SURF6: variants seen among roughly 807,000 people sequenced by gnomAD.
The protein encoded by SURF6 is surfeit locus protein 6.
Under a neutral mutation model 37.5 loss-of-function variants are expected in SURF6, and 28 were observed. The ratio of observed to expected loss-of-function variants is 0.75; its 90% CI spans 0.55 to 1.02. The LOEUF is 1.02. SURF6 is among the 50% of genes least tolerant of loss of function. SURF6 has a pLI of 0.00. For synonymous variants in SURF6, 248 were observed against 210.9 expected (o/e 1.18, Z -1.52); for missense variants, 560 against 490.5 (o/e 1.14, Z -1.34).
At chr9:133,334,629 G>C (rs2129928611) in intron 1 of SURF6, 28 bp from the exon 2 acceptor site, 2 of 1,600,366 alleles carry the variant, frequency 1.2e-6, no homozygotes, top group African/African-American at 2.7e-5. Context: ...AAAGAGTTAA[G>C]TCCCAATCTC....
chr9:133,334,312 C>T, intron 2 of SURF6, 80 bp downstream of exon 2: 1 of 1,367,446 alleles, frequency 7.3e-7, no homozygotes, highest in Non-Finnish European at 9.9e-7. Flanking sequence ...CTTTTTTTTT[C>T]TTAAGAGCAA....
chr9:133,334,544 G>A lies in SURF6; in HGVS notation c.152C>T (p.Thr51Ile), dbSNP rs2129928211. Residue 51 changes from threonine (T) to isoleucine (I), a missense_variant, in exon 2 of 5, where the codon ACA becomes ATA. By Grantham distance (89) the Thr-to-Ile change is moderately conservative. Coordinates refer to ENST00000372022, the MANE Select transcript of SURF6 (RefSeq NM_006753.6). ...TTCTCGCTTCCGGAATTTCTTTTGT[G>A]TTTTCTTCCTTTTCTTTTTTGGGGG... is the stretch of plus-strand genomic sequence containing the variant. ...AGPPKKKRKK[T>I]QKKFRKREEK... The A allele has an allele frequency of 3.2e-5, 51 of 1,613,658 alleles. No homozygotes were observed. The highest frequency in any genetic ancestry group is 4.2e-5 in the Non-Finnish European group (50 of 1,180,018).
chr9:133,334,829 T>G (rs1178227466), intron 1 of SURF6, among the ~76,000 whole-genome samples: 1 of 152,124 alleles, frequency 6.6e-6, no homozygotes, highest in East Asian at 1.9e-4. Flanking sequence ...TCACCATTAT[T>G]TGAGTGAAAC....
At position 133,334,614 on chromosome 9, in the gene SURF6, A is replaced by G. The variant is rs2129928548; in HGVS notation, c.95-13T>C. On this transcript the variant is annotated splice_polypyrimidine_tract_variant and intron_variant, in intron 1 of 4. Transcript: ENST00000372022. ...TGAGTTTTGCCAGCTGAAATGCAAA[A>G]TAAGAAAGAGTTAAGTCCCAATCTC... 8 of 1,604,160 alleles carry G rather than the reference A, an allele frequency of 5.0e-6. No individual in the cohort carries two copies. Among genetic ancestry groups the G allele is most frequent in the Non-Finnish European group, 5.9e-6 (7 of 1,179,440 alleles).
rs2129916409 is a variant in SURF6, at chr9:133,332,216, GC to G, written c.738del (p.Gln247ArgfsTer22). On this transcript the variant is annotated frameshift_variant, in exon 5 of 5. Coordinates refer to ENST00000372022, the MANE Select transcript of SURF6 (RefSeq NM_006753.6). LOFTEE classifies it high-confidence loss of function. ...YRQLLERLQA[R>X]QSRLDELRGQ... The stretch of plus-strand genomic sequence containing the variant: ...CCGCGCAGCTCGTCCAGCCGGCTCT[GC>G]CGTGCCTGCAGGCGCTCCAGCAGCT... 5 of 1,607,556 alleles carry G rather than the reference GC, an allele frequency of 3.1e-6. No homozygotes were observed. Among genetic ancestry groups the G allele is most frequent in the Non-Finnish European group, 4.2e-6 (5 of 1,179,936 alleles).
rs898140482 is a variant in SURF6, at chr9:133,331,528, A to C, written c.*341T>G. ...GCTCCTGCGAACACAGGCAGTGGGG[A>C]ACAGGCAGTGACTGCCCACCCCCAC... On this transcript the variant is annotated 3_prime_UTR_variant, in exon 5 of 5. Transcript: ENST00000372022. 2.5e-5 allele frequency: 7 copies of C among 275,516 alleles called. No homozygotes were observed. Among genetic ancestry groups the C allele is most frequent in the Non-Finnish European group, 4.7e-5 (7 of 148,522 alleles). 17.1% of individuals were successfully genotyped at this position (275,516 alleles called of 1,614,324 possible).
chr9:133,331,018 A>G lies in SURF6; in HGVS notation c.*851T>C, dbSNP rs1835711892. The stretch of plus-strand genomic sequence containing the variant: ...GTCTCATAACCGGAGAGTTTCATCA[A>G]AAGAATTTTATTTACAGCTTTATCA... On this transcript the variant is annotated 3_prime_UTR_variant, in exon 5 of 5. Coordinates refer to ENST00000372022, the MANE Select transcript of SURF6 (RefSeq NM_006753.6). 6.6e-6 allele frequency: 1 copy of G among 152,200 alleles called. No individual in the cohort carries two copies. Among genetic ancestry groups the G allele is most frequent in the Non-Finnish European group, 1.5e-5 (1 of 68,036 alleles). The allele number at this position is 152,200 out of a possible 1,614,324, so 9.4% of individuals were successfully genotyped here. A position where few individuals can be genotyped will look rare whatever the true frequency, so the allele number is the denominator to read the frequency against.
In SURF6 at chr9:133,328,899, A is replaced by T. The variant is rs2129900526; in HGVS notation, c.*2970T>A. ...CAGCAATGAGAGAGTGTAGAAATAC[A>T]CACACAAGACAAAGAGATAAAAGAA... On this transcript the variant is annotated 3_prime_UTR_variant, in exon 5 of 5. Coordinates refer to ENST00000372022, the MANE Select transcript of SURF6 (RefSeq NM_006753.6). The T allele has an allele frequency of 6.5e-6, 1 of 152,702 alleles. No individual in the cohort carries two copies. Among genetic ancestry groups the T allele is most frequent in the African/African-American group, 2.4e-5 (1 of 41,444 alleles). The allele number at this position is 152,702 out of a possible 1,614,324, so 9.5% of individuals were successfully genotyped here.
chr9:133,332,972 T>C, intron 3 of SURF6: 1 of 598,806 alleles, frequency 1.7e-6, no homozygotes, highest in Non-Finnish European at 2.9e-6. Flanking sequence ...AATCACAGCT[T>C]CCAATTCCCG....
In SURF6 at chr9:133,332,067, C is replaced by T; in HGVS notation, c.888G>A (p.Lys296=). ...ERLLQEALKR[K]EKRRAQRQRR... is the part of the protein sequence containing the mutation. ...GCTGCCGCTGCGCCCTGCGCTTCTCCTTGCGCTTCAGGGCCTCCTGCAGCA... is the reference window on the plus strand; with the variant it reads ...GCTGCCGCTGCGCCCTGCGCTTCTCTTTGCGCTTCAGGGCCTCCTGCAGCA... Residue 296 remains lysine (K), a synonymous_variant, in exon 5 of 5, where the codon AAG becomes AAA. Transcript: ENST00000372022. 22 of 1,606,738 alleles carry T rather than the reference C, an allele frequency of 1.4e-5. No individual in the cohort carries two copies. Among genetic ancestry groups the T allele is most frequent in the Non-Finnish European group, 1.9e-5 (22 of 1,179,816 alleles).
Position 133,329,744 on chromosome 9 carries a change from G to GT in SURF6, c.*2124dup, listed in dbSNP as rs1346487940. ...ATCATATCTAAGATCTATATCTGCTGTAACTATTCTTGTTTTATATTTTAT... is the reference window on the plus strand; with the variant it reads ...ATCATATCTAAGATCTATATCTGCTGTTAACTATTCTTGTTTTATATTTTAT... On this transcript the variant is annotated 3_prime_UTR_variant, in exon 5 of 5. Transcript: ENST00000372022. The GT allele has an allele frequency of 6.6e-6, 1 of 152,236 alleles. No homozygotes were observed. Among genetic ancestry groups the GT allele is most frequent in the Non-Finnish European group, 1.5e-5 (1 of 68,048 alleles). The allele number at this position is 152,236 out of a possible 1,614,324, so 9.4% of individuals were successfully genotyped here.
At position 133,334,553 on chromosome 9, in the gene SURF6, C is replaced by T. The variant is rs1197763107; in HGVS notation, c.143G>A (p.Arg48Lys). Reference sequence around the variant, plus strand: ...CCGGAATTTCTTTTGTGTTTTCTTCCTTTTCTTTTTTGGGGGCCCTGCAGT... The same window carrying T: ...CCGGAATTTCTTTTGTGTTTTCTTCTTTTTCTTTTTTGGGGGCCCTGCAGT... The part of the protein sequence containing the change: ...SETAGPPKKK[R>K]KKTQKKFRKR... The change falls in exon 2 of 5, where the codon AGG becomes AAG. Residue 48 changes from arginine (R) to lysine (K), a missense_variant. By Grantham distance (26) the Arg-to-Lys change is conservative. Coordinates refer to ENST00000372022, the MANE Select transcript of SURF6 (RefSeq NM_006753.6). The T allele has an allele frequency of 6.2e-7, 1 of 1,613,204 alleles. No individual in the cohort carries two copies. The highest frequency in any genetic ancestry group is 8.5e-7 in the Non-Finnish European group (1 of 1,180,030).
chr9:133,333,826 A>G lies in SURF6; in HGVS notation c.305-20T>C, dbSNP rs2129925049. On this transcript the variant is annotated intron_variant, in intron 2 of 4. Transcript: ENST00000372022. Reference sequence around the variant, plus strand: ...GGCCATCTGCAGGGAAGGAGACAGGACTGCAGGGGGCCCTCTCTTCCCCTC... The same window carrying G: ...GGCCATCTGCAGGGAAGGAGACAGGGCTGCAGGGGGCCCTCTCTTCCCCTC... 6.2e-7 allele frequency: 1 copy of G among 1,603,594 alleles called. No homozygotes were observed. The highest frequency in any genetic ancestry group is 1.1e-5 in the South Asian group (1 of 90,372).
Position 133,331,900 on chromosome 9 carries a change from G to C in SURF6, c.1055C>G (p.Pro352Arg), listed in dbSNP as rs2129912480. ...LRARKKGRIL[P>R]QDLERAGLV ...CAGGCCTGCGCGCTCCAGGTCCTGC[G>C]GCAGGATGCGGCCCTTCTTGCGGGC... is the stretch of plus-strand genomic sequence containing the variant. The change falls in exon 5 of 5, where the codon CCG (proline) becomes CGG (arginine). Residue 352 changes from proline to arginine, a missense_variant. Pro to Arg is a moderately radical substitution (Grantham distance 103, BLOSUM62 -2). Transcript: ENST00000372022. 2.0e-6 allele frequency: 3 copies of C among 1,530,116 alleles called. No individual in the cohort carries two copies. Among genetic ancestry groups the C allele is most frequent in the Non-Finnish European group, 2.6e-6 (3 of 1,150,840 alleles). The allele number at this position is 1,530,116 out of a possible 1,614,324, so 94.8% of individuals were successfully genotyped here. A position where few individuals can be genotyped will look rare whatever the true frequency, so the allele number is the denominator to read the frequency against.
Position 133,331,582 on chromosome 9 carries a change from C to T in SURF6, c.*287G>A. On this transcript the variant is annotated 3_prime_UTR_variant, in exon 5 of 5. Transcript: ENST00000372022. ...TCCTCCTCCCTGACCCTGCAAACCT[C>T]GGGGAAGCTTTCAGGCCCGGGAAAG... is the stretch of plus-strand genomic sequence containing the variant. The T allele has an allele frequency of 2.6e-6, 1 of 379,140 alleles. No homozygotes were observed. 23.5% of individuals were successfully genotyped at this position (379,140 alleles called of 1,614,324 possible).
At chr9:133,335,382 G>A (rs1056332626) in intron 1 of SURF6, among the ~76,000 whole-genome samples, 1 of 151,914 alleles carries the variant, frequency 6.6e-6, no homozygotes, top group Non-Finnish European at 1.5e-5. Flanking sequence ...TAGGTAATGA[G>A]AAAATTCACT....
rs185470352 is a variant in SURF6, at chr9:133,335,084, G to A, written c.95-483C>T. 8.6e-4 allele frequency among the ~76,000 whole-genome samples: 131 copies of A among 152,130 alleles called. 2 individuals are homozygous for A. Among genetic ancestry groups the A allele is most frequent in the Admixed American group, 7.3e-3 (112 of 15,280 alleles). ...AAGCGATTCTCTTGCCTCAGCCTCC[G>A]GAGTAGCTGGGACTACAGGCGCCCA... On this transcript the variant is annotated intron_variant, in intron 1 of 4. Coordinates refer to ENST00000372022, the MANE Select transcript of SURF6 (RefSeq NM_006753.6).
rs782377952 is a variant in SURF6 at position 133,336,080 on chromosome 9, A to T, written c.53T>A (p.Ile18Asn). Residue 18 changes from isoleucine to asparagine, a missense_variant, in exon 1 of 5, where the codon ATC becomes AAC. Coordinates refer to ENST00000372022, the MANE Select transcript of SURF6 (RefSeq NM_006753.6). Reference sequence around the variant, plus strand: ...CTGTTCCGGGGCCGAATGGGAGCAGATCTTCTTGGCCAGGCTCTGCAGGTA... The same window carrying T: ...CTGTTCCGGGGCCGAATGGGAGCAGTTCTTCTTGGCCAGGCTCTGCAGGTA... The part of the protein sequence containing the change: ...DAYLQSLAKK[I>N]CSHSAPEQQA... 6.2e-7 allele frequency: 1 copy of T among 1,612,876 alleles called. No homozygotes were observed. The highest frequency in any genetic ancestry group is 1.3e-5 in the African/African-American group (1 of 74,984).
rs2129917708 is a variant in SURF6 at position 133,332,328 on chromosome 9, C to G, written c.627G>C (p.Glu209Asp). 6.3e-7 allele frequency: 1 copy of G among 1,582,096 alleles called. No individual in the cohort carries two copies. The highest frequency in any genetic ancestry group is 1.3e-5 in the African/African-American group (1 of 74,554). ...TTCTGCGCTGCGCCTTGCTGGCCGG[C>G]TCGTCTTCGCTCACCTCCACCTGGG... ...IFNKVEVSED[E>D]PASKAQRRKE... Residue 209 changes from glutamate to aspartate, a missense_variant, in exon 5 of 5, where the codon GAG becomes GAC. By Grantham distance (45) the Glu-to-Asp change is conservative (BLOSUM62 2). Transcript: ENST00000372022.
Sources: gnomAD v4.1 joint callset for allele counts (sites outside exome capture counted in the v4.1 genomes callset) on GRCh38, gnomAD v4.1.1 for gene constraint, MANE v1.5 for transcripts, NCBI Gene and HGNC (gene_info 2026-07-23, HGNC 2026-07-21) for gene names.